The following THSD4 variants were observed in gnomAD, a reference collection of about 807,000 sequenced individuals.
The protein encoded by THSD4 is thrombospondin type-1 domain-containing protein 4.
THSD4 carries 69 observed loss-of-function variants against 119.0 expected under a neutral mutation model. The observed-to-expected ratio is 0.58, with a 90% CI of 0.48 to 0.71. The LOEUF (loss-of-function observed/expected upper bound fraction) is 0.71. Ranked by LOEUF, THSD4 falls within the 30% of genes least tolerant of loss-of-function variation. THSD4 has a pLI of 0.00. For missense variants in THSD4, 1,393 were observed against 1,391.1 expected, an observed-to-expected ratio of 1.00 and a Z score of -0.02; for synonymous variants, 524 against 540.4, an observed-to-expected ratio of 0.97 and a Z score of 0.42.
chr15:71,147,619 A>C (rs1412764783), intron 2 of THSD4: 2 of 152,294 alleles, frequency 1.3e-5, no homozygotes, highest in Non-Finnish European at 2.9e-5. Flanking sequence ...CCATTTCTTC[A>C]AGAAACCTGC....
chr15:71,174,754 G>A (rs2043428683), intron 3 of THSD4, among the ~76,000 whole-genome samples: 1 of 151,510 alleles, frequency 6.6e-6, no homozygotes, highest in South Asian at 2.1e-4. Context: ...CAGCTTTGAA[G>A]AGAGCAGGGG....
intron 7 of THSD4, among the ~76,000 whole-genome samples, chr15:71,588,501 A>G (rs2049732134): frequency 6.6e-6 from 1 of 151,884 alleles, no homozygotes. Context: ...TCTGCTTACC[A>G]CAGCCTCGAC....
intron 8 of THSD4, among the ~76,000 whole-genome samples, chr15:71,698,195 C>T (rs2052207300): frequency 6.6e-6 from 1 of 152,128 alleles, no homozygotes; most frequent in Non-Finnish European, 1.5e-5. Context: ...AGTACCATTC[C>T]CTGCCCTTGG....
At chr15:71,292,931 C>T (rs1320654006) in intron 6 of THSD4, among the ~76,000 whole-genome samples, 2 of 152,180 alleles carry the variant, frequency 1.3e-5, no homozygotes, top group African/African-American at 4.8e-5. Flanking sequence ...CCATCTTGGC[C>T]TCCCAAAGTG....
chr15:71,209,679 T>C (rs1338411740), intron 3 of THSD4, among the ~76,000 whole-genome samples: 1 of 152,198 alleles, frequency 6.6e-6, no homozygotes, highest in African/African-American at 2.4e-5. Flanking sequence ...TTACCCTAGA[T>C]TTTCTTAGGA....
chr15:71,519,261 A>G (rs897735100), intron 7 of THSD4, among the ~76,000 whole-genome samples: 3 of 152,196 alleles, frequency 2.0e-5, no homozygotes, highest in Non-Finnish European at 4.4e-5. Flanking sequence ...GTGAGTGACA[A>G]TATAAGGTCA....
At chr15:71,313,832 A>G (rs1199744461) in intron 6 of THSD4, among the ~76,000 whole-genome samples, 1 of 152,090 alleles carries the variant, frequency 6.6e-6, no homozygotes, top group Non-Finnish European at 1.5e-5. Context: ...CTTTCATGCC[A>G]TTGCTGGTAT....
At chr15:71,342,152 G>A (rs930548041) in intron 6 of THSD4, among the ~76,000 whole-genome samples, 9 of 152,060 alleles carry the variant, frequency 5.9e-5, no homozygotes, top group Non-Finnish European at 1.3e-4. Flanking sequence ...AAAAAGGTGG[G>A]GGACAGTAGG....
At chr15:71,442,604 GT>G (rs2047116535) in intron 7 of THSD4, among the ~76,000 whole-genome samples, 1 of 19,252 alleles carries the variant, frequency 5.2e-5, no homozygotes, top group Non-Finnish European at 1.1e-4. Flanking sequence ...ATATATATGT[GT>G]GTGTGTGTGT....
intron 14 of THSD4, 70 bp from the exon 15 acceptor site, chr15:71,757,830 TTC>T (rs1483078324): frequency 1.3e-6 from 2 of 1,586,740 alleles, no homozygotes; most frequent in African/African-American, 2.7e-5. Flanking sequence ...CCATCCTCCT[TTC>T]CATCATTTGA....
intron 7 of THSD4, among the ~76,000 whole-genome samples, chr15:71,514,590 C>T (rs918931518): frequency 6.6e-6 from 1 of 152,114 alleles, no homozygotes; most frequent in Admixed American, 6.6e-5. Flanking sequence ...GCTGAGTAAA[C>T]AATAAACTTG....
intron 6 of THSD4, chr15:71,341,168 G>A (rs757394194): frequency 1.4e-6 from 2 of 1,420,270 alleles, no homozygotes; most frequent in Non-Finnish European, 2.0e-6. Context: ...TTACTCCCGT[G>A]CCATAAGTTT....
intron 6 of THSD4, among the ~76,000 whole-genome samples, chr15:71,289,147 T>C (rs897534338): frequency 6.6e-6 from 1 of 152,140 alleles, no homozygotes; most frequent in Non-Finnish European, 1.5e-5. Flanking sequence ...ACTGTCCTCA[T>C]GTGGACAAAT....
At chr15:71,701,465 T>G (rs1358898981) in intron 8 of THSD4, among the ~76,000 whole-genome samples, 1 of 152,160 alleles carries the variant, frequency 6.6e-6, no homozygotes, top group Non-Finnish European at 1.5e-5. Flanking sequence ...AAATAGTCAT[T>G]AAGAGCACAA....
chr15:71,564,780 TTATAA>T (rs1252828503), intron 7 of THSD4, among the ~76,000 whole-genome samples: 2 of 8,274 alleles, frequency 2.4e-4, no homozygotes, highest in African/African-American at 5.1e-4. Flanking sequence ...ATATTGTATA[TTATAA>T]CATATAATAC....
chr15:71,102,626 G>A (rs1487027268), intron 1 of THSD4, among the ~76,000 whole-genome samples: 1 of 151,986 alleles, frequency 6.6e-6, no homozygotes, highest in Non-Finnish European at 1.5e-5. Flanking sequence ...GTACAATGGT[G>A]TGATCTTGGC....
At chr15:71,273,206 A>G (rs560355704) in intron 6 of THSD4, among the ~76,000 whole-genome samples, 21 of 152,356 alleles carry the variant, frequency 1.4e-4, no homozygotes, top group Admixed American at 9.8e-4. Flanking sequence ...AATACGATTC[A>G]GCCTGAAAGA....
chr15:71,667,380 CTAA>C (rs1159459800), intron 8 of THSD4, among the ~76,000 whole-genome samples: 1 of 152,132 alleles, frequency 6.6e-6, no homozygotes, highest in Non-Finnish European at 1.5e-5. Flanking sequence ...GTTCAGTTTA[CTAA>C]TGTCATTATG....
intron 14 of THSD4, among the ~76,000 whole-genome samples, chr15:71,754,039 G>A (rs1321757435): frequency 2.0e-5 from 3 of 151,096 alleles, no homozygotes; most frequent in African/African-American, 4.9e-5. Context: ...CCTAAGGGTT[G>A]GAAACATGAA....
Sources: allele counts gnomAD v4.1 joint callset (sites outside exome capture counted in the v4.1 genomes callset), GRCh38; gene constraint gnomAD v4.1.1; transcripts MANE v1.5; gene names NCBI Gene and HGNC (gene_info 2026-07-23, HGNC 2026-07-21).